The following PLEKHA8 variants were observed in gnomAD, a reference collection of about 807,000 sequenced individuals.
PLEKHA8 encodes the protein pleckstrin homology domain-containing family A member 8.
PLEKHA8 carries 36 observed loss-of-function variants against 68.2 expected under a neutral mutation model. That is an observed-to-expected ratio of 0.53 (90% CI 0.40 to 0.70). The LOEUF (loss-of-function observed/expected upper bound fraction) is 0.70, where lower values mean the gene tolerates loss of function less well. PLEKHA8 is among the 30% of genes least tolerant of loss of function. The pLI is 0.00. For synonymous variants in PLEKHA8, 211 were observed against 216.1 expected, an observed-to-expected ratio of 0.98 and a Z score of 0.20; for missense variants, 505 against 615.4, an observed-to-expected ratio of 0.82 and a Z score of 1.90.
Position 30,028,510 on chromosome 7 carries a change from C to T in PLEKHA8, c.-253C>T, listed in dbSNP as rs1790378404. On this transcript the variant is annotated 5_prime_UTR_variant, in exon 1 of 14. Transcript: ENST00000449726. ...CACGTAGGGCCCGGACCCGGGCCTC[C>T]TTGTGAACAGCGTGCCGGCTTCGCC... is the stretch of plus-strand genomic sequence containing the variant. 1 of 363,362 alleles carries T rather than the reference C, an allele frequency of 2.8e-6. No individual in the cohort carries two copies. Among genetic ancestry groups the T allele is most frequent in the Non-Finnish European group, 4.9e-6 (1 of 203,550 alleles). The allele number at this position is 363,362 out of a possible 1,614,324, so 22.5% of individuals were successfully genotyped here. A position where few individuals can be genotyped will look rare whatever the true frequency, so the allele number is the denominator to read the frequency against.
At chr7:30,115,805 CACGCATGCATGT>C (rs1796459548) in intron 13 of PLEKHA8, 1 of 144,706 alleles carries the variant, frequency 6.9e-6, no homozygotes, top group African/African-American at 2.8e-5. Context: ...TACATGTATA[CACGCATGCATGT>C]ATACATGCGT....
intron 1 of PLEKHA8, among the ~76,000 whole-genome samples, chr7:30,037,992 A>G (rs938505806): frequency 6.6e-6 from 1 of 152,086 alleles, no homozygotes; most frequent in Non-Finnish European, 1.5e-5. Context: ...TTAAATTTTT[A>G]ATTGTTTTTC....
intron 3 of PLEKHA8, among the ~76,000 whole-genome samples, chr7:30,046,634 G>A (rs910410807): frequency 3.3e-5 from 5 of 152,050 alleles, no homozygotes; most frequent in African/African-American, 9.7e-5. Flanking sequence ...CCTTGGCATC[G>A]GTCACTTAAC....
rs1005118390 is a variant in PLEKHA8 at position 30,061,756 on chromosome 7, A to G, written c.1099-141A>G. On this transcript the variant is annotated intron_variant, in intron 10 of 13. Transcript: ENST00000449726. ...TTCTCCAAAACAAATACTATCATGA[A>G]AACATAAGGAAGAAGGTAATAGGAG... is the stretch of plus-strand genomic sequence containing the variant. The G allele has an allele frequency of 6.1e-6, 5 of 825,310 alleles. No homozygotes were observed. In the African/African-American group the frequency reaches 7.0e-5, roughly 12 times the overall value. 51.1% of individuals were successfully genotyped at this position (825,310 alleles called of 1,614,324 possible).
chr7:30,110,877 A>G (rs1344615813), intron 13 of PLEKHA8, among the ~76,000 whole-genome samples: 2 of 149,728 alleles, frequency 1.3e-5, no homozygotes, highest in East Asian at 3.9e-4. Context: ...TCTTTGCCCA[A>G]CTTTAATTGT....
intron 13 of PLEKHA8, chr7:30,117,952 TGGATTCATTTCTAACA>T (rs1796620398): frequency 6.6e-7 from 1 of 1,510,322 alleles, no homozygotes; most frequent in African/African-American, 1.4e-5. Flanking sequence ...AACTGAGACG[TGGATTCATTTCTAACA>T]GGGACACACA....
rs1352374844 is a variant in PLEKHA8 at position 30,079,802 on chromosome 7, T to C, written c.*1015T>C. 1.1e-6 allele frequency: 1 copy of C among 880,720 alleles called. No homozygotes were observed. The highest frequency in any genetic ancestry group is 1.4e-6 in the Non-Finnish European group (1 of 734,766). 54.6% of individuals were successfully genotyped at this position (880,720 alleles called of 1,614,324 possible). On this transcript the variant is annotated 3_prime_UTR_variant, in exon 14 of 14. Coordinates refer to ENST00000449726, the MANE Select transcript of PLEKHA8 (RefSeq NM_001197026.2). ...TAGGAATCTGCATTTCAGTAAACTT[T>C]ACACGTGATTCTTCTGCACACAGTA...
At chr7:30,106,888 T>G (rs999519187) in intron 13 of PLEKHA8, among the ~76,000 whole-genome samples, 1 of 152,184 alleles carries the variant, frequency 6.6e-6, no homozygotes, top group African/African-American at 2.4e-5. Flanking sequence ...TGCTGGTCCA[T>G]TTTACATAAG....
At position 30,084,191 on chromosome 7, in the gene PLEKHA8, G is replaced by T. The variant is rs187953121; in HGVS notation, c.*5404G>T. ...AAAGAAGAAACATGATAGACCAGAT[G>T]CCAAAGGCTAAAATGTACATAGATT... On this transcript the variant is annotated 3_prime_UTR_variant, in exon 14 of 14. Coordinates refer to ENST00000449726, the MANE Select transcript of PLEKHA8 (RefSeq NM_001197026.2). The T allele has an allele frequency of 7.7e-5, 76 of 985,280 alleles. 1 individual carries two copies. In the African/African-American group the frequency reaches 1.2e-3, roughly 16 times the overall value. 61.0% of individuals were successfully genotyped at this position (985,280 alleles called of 1,614,324 possible).
chr7:30,074,550 C>G (rs571703051), intron 13 of PLEKHA8, among the ~76,000 whole-genome samples: 4 of 152,020 alleles, frequency 2.6e-5, no homozygotes, highest in South Asian at 2.1e-4. Flanking sequence ...AGCAGAAGTA[C>G]GTAGGAAGCA....
chr7:30,060,793 G>A, intron 9 of PLEKHA8, 91 bp from the exon 10 acceptor site: 1 of 996,378 alleles, frequency 1.0e-6, no homozygotes, highest in Admixed American at 2.2e-5. Context: ...AAAGTTGTTG[G>A]GGATCTGCTA....
chr7:30,053,762 T>C (rs1303449473), intron 7 of PLEKHA8, among the ~76,000 whole-genome samples: 2 of 152,230 alleles, frequency 1.3e-5, no homozygotes, highest in African/African-American at 2.4e-5. Context: ...GTTCTCATTA[T>C]TTGCAGTAGT....
At position 30,099,111 on chromosome 7, in the gene PLEKHA8, A is replaced by G. The variant is rs141088512; in HGVS notation, c.1362+24979A>G. 2.7e-3 allele frequency among the ~76,000 whole-genome samples: 404 copies of G among 152,336 alleles called. 2 individuals are homozygous for G. The highest frequency in any genetic ancestry group is 0.02 in the Middle Eastern group (6 of 294). On this transcript the variant is annotated intron_variant, in intron 13 of 13. Coordinates refer to the PLEKHA8 transcript ENST00000396257. ...TTTTATTTTTATAAAGTACTTAAAT[A>G]TCTCAAATTTCAGAAAACAAGATAT...
chr7:30,124,672 C>T (rs989394881), intron 13 of PLEKHA8, among the ~76,000 whole-genome samples: 1 of 152,052 alleles, frequency 6.6e-6, no homozygotes, highest in African/African-American at 2.4e-5. Flanking sequence ...GAATAATTTC[C>T]TGTGCTTTCT....
At chr7:30,052,609 C>CAGCCTGG (rs1163003224) in intron 6 of PLEKHA8, 100 bp from the exon 7 acceptor site, 1 of 1,037,002 alleles carries the variant, frequency 9.6e-7, no homozygotes. Context: ...CACTGTACTG[C>CAGCCTGG]AGCCTGGGTG....
At chr7:30,056,742 AGTGTGTGTGTGTGTGTGTGTGTGTGTGT>A (rs70980590) in intron 9 of PLEKHA8, among the ~76,000 whole-genome samples, 7 of 74,784 alleles carry the variant, frequency 9.4e-5, no homozygotes, top group African/African-American at 3.6e-4. Flanking sequence ...AAAAAAAAAA[AGTGTGTGTGTGTGTGTGTGTGTGTGTGT>A]GTGTGTGTGT....
chr7:30,085,877 A>T (rs1795162046), downstream of PLEKHA8, among the ~76,000 whole-genome samples: 1 of 152,312 alleles, frequency 6.6e-6, no homozygotes, highest in East Asian at 1.9e-4. Flanking sequence ...GTGTAGGCAC[A>T]CTGAGAAGCA....
At chr7:30,070,803 C>G (rs1794187584) in intron 12 of PLEKHA8, among the ~76,000 whole-genome samples, 2 of 152,176 alleles carry the variant, frequency 1.3e-5, no homozygotes, top group Non-Finnish European at 2.9e-5. Context: ...CTCGGCCTCC[C>G]AAAGTGCTGG....
intron 13 of PLEKHA8, among the ~76,000 whole-genome samples, chr7:30,075,348 T>C (rs1196738709): frequency 6.6e-6 from 1 of 152,192 alleles, no homozygotes; most frequent in Non-Finnish European, 1.5e-5. Flanking sequence ...CCTTGAATAA[T>C]CATAATGGCT....
Sources: gnomAD v4.1 joint callset for allele counts (sites outside exome capture counted in the v4.1 genomes callset) on GRCh38, gnomAD v4.1.1 for gene constraint, MANE v1.5 for transcripts, NCBI Gene and HGNC (gene_info 2026-07-23, HGNC 2026-07-21) for gene names.